Variants in GABRG3 observed in about 807,000 individuals in gnomAD.
GABRG3 encodes gamma-aminobutyric acid type A receptor subunit gamma3, also known as gamma-aminobutyric acid receptor subunit gamma-3.
GABRG3 carries 25 observed loss-of-function variants against 48.8 expected under a neutral mutation model. That is an observed-to-expected ratio of 0.51 (90% CI 0.37 to 0.72). GABRG3 has a LOEUF of 0.72. GABRG3 is among the 30% of genes least tolerant of loss of function. The pLI is 0.00. For missense variants in GABRG3, 394 were observed against 577.9 expected (o/e 0.68, Z 3.26); for synonymous variants, 227 against 217.6 (o/e 1.04, Z -0.38).
At chr15:26,986,920 G>A (rs1895161236) in intron 2 of GABRG3, among the ~76,000 whole-genome samples, 1 of 152,196 alleles carries the variant, frequency 6.6e-6, no homozygotes, top group Non-Finnish European at 1.5e-5. Context: ...CAGAGTGAAA[G>A]AGACAGCCTC....
chr15:27,176,888 A>G (rs1595567946), intron 3 of GABRG3, among the ~76,000 whole-genome samples: 1 of 152,288 alleles, frequency 6.6e-6, no homozygotes, highest in Admixed American at 6.5e-5. Flanking sequence ...GGAAAATGCT[A>G]GAGATGAGAT....
At chr15:27,507,684 A>G (rs1310592559) in intron 6 of GABRG3, among the ~76,000 whole-genome samples, 1 of 152,138 alleles carries the variant, frequency 6.6e-6, no homozygotes. Context: ...ACTGGTTGAT[A>G]CGATTGTTCA....
chr15:27,528,089 G>A, intron 9 of GABRG3, 97 bp downstream of exon 9: 1 of 879,786 alleles, frequency 1.1e-6, no homozygotes. Flanking sequence ...TGCATGTATT[G>A]AAGACCAATG....
chr15:27,461,749 A>G (rs190664650), intron 5 of GABRG3, among the ~76,000 whole-genome samples: 1 of 152,292 alleles, frequency 6.6e-6, no homozygotes, highest in Admixed American at 6.5e-5. Context: ...ACCTTTAGCT[A>G]GACAGAAAAA....
At chr15:27,418,869 A>T (rs1201311295) in intron 5 of GABRG3, 5 of 152,136 alleles carry the variant, frequency 3.3e-5, no homozygotes, top group Non-Finnish European at 5.9e-5. Flanking sequence ...TTAAGTCAGG[A>T]CCCAGAGTCT....
chr15:27,478,115 C>T (rs893371748), intron 5 of GABRG3, among the ~76,000 whole-genome samples: 9 of 151,552 alleles, frequency 5.9e-5, no homozygotes, highest in African/African-American at 1.5e-4. Flanking sequence ...TGCGAATGTA[C>T]TTTATGCCGC....
chr15:27,079,002 A>G (rs1228478389), intron 3 of GABRG3, among the ~76,000 whole-genome samples: 3 of 152,226 alleles, frequency 2.0e-5, no homozygotes, highest in Non-Finnish European at 2.9e-5. Context: ...ACTCATGTCC[A>G]TGGGGGCAGA....
At chr15:26,979,858 A>G (rs1895020307) in intron 2 of GABRG3, among the ~76,000 whole-genome samples, 1 of 152,188 alleles carries the variant, frequency 6.6e-6, no homozygotes, top group Admixed American at 6.5e-5. Context: ...AGCTTTATAC[A>G]ATGGGTTGGG....
At chr15:27,004,697 A>G (rs1267270899) in intron 2 of GABRG3, among the ~76,000 whole-genome samples, 1 of 152,228 alleles carries the variant, frequency 6.6e-6, no homozygotes, top group Non-Finnish European at 1.5e-5. Context: ...CTGCATCTTG[A>G]TTGTTTTATG....
chr15:27,082,473 G>T (rs1411075424), intron 3 of GABRG3, among the ~76,000 whole-genome samples: 2 of 152,240 alleles, frequency 1.3e-5, no homozygotes, highest in Middle Eastern at 3.4e-3. Context: ...AAATTCTGCA[G>T]GCAATGTTTC....
intron 3 of GABRG3, among the ~76,000 whole-genome samples, chr15:27,304,936 G>A (rs1652434116): frequency 6.6e-6 from 1 of 151,856 alleles, no homozygotes; most frequent in Admixed American, 6.6e-5. Context: ...CTCCCATTCT[G>A]TGGGTTATTT....
chr15:27,458,721 C>A (rs1889361971), intron 5 of GABRG3, among the ~76,000 whole-genome samples: 1 of 152,100 alleles, frequency 6.6e-6, no homozygotes, highest in South Asian at 2.1e-4. Context: ...GGAGAAAAAT[C>A]CAGGCTTATT....
chr15:27,143,157 C>T (rs1470759253), intron 3 of GABRG3, among the ~76,000 whole-genome samples: 1 of 152,186 alleles, frequency 6.6e-6, no homozygotes, highest in East Asian at 1.9e-4. Context: ...TAGCTCACCA[C>T]AGCCTTGATC....
rs551597444 is a variant in GABRG3, at chr15:27,284,468, G to C, written c.271-42341G>C. Among the ~76,000 whole-genome samples, 3 of 152,258 alleles carry C rather than the reference G, an allele frequency of 2.0e-5. No homozygotes were observed. The East Asian group carries it at 5.8e-4, about 29-fold the overall frequency. On this transcript the variant is annotated intron_variant, in intron 3 of 9. Transcript: ENST00000615808. ...TCATCTATATACGTAAGAATACCAC[G>C]ACATTTTCTGTGTGTAACCTACATT...
chr15:27,482,209 T>G (rs1463248738), intron 6 of GABRG3, among the ~76,000 whole-genome samples: 1 of 152,230 alleles, frequency 6.6e-6, no homozygotes. Context: ...AAAGTCATAT[T>G]TTTAATAAGT....
rs190222316 is a variant in GABRG3 at position 27,130,615 on chromosome 15, A to G, written c.270+103794A>G. 3.2e-3 allele frequency among the ~76,000 whole-genome samples: 485 copies of G among 152,220 alleles called. 1 individual carries two copies. Among genetic ancestry groups the G allele is most frequent in the African/African-American group, 0.011 (469 of 41,578 alleles). ...TTTTAATAGAGATTACATTAAATCT[A>G]TAGATCACTTTGGGTAGTATTGACA... On this transcript the variant is annotated intron_variant, in intron 3 of 9. Coordinates refer to ENST00000615808, the MANE Select transcript of GABRG3 (RefSeq NM_033223.5).
intron 2 of GABRG3, among the ~76,000 whole-genome samples, chr15:27,006,986 A>C (rs1025836772): frequency 2.0e-5 from 3 of 151,454 alleles, no homozygotes; most frequent in Non-Finnish European, 4.4e-5. Flanking sequence ...CCACATGCAC[A>C]CACCACCAAT....
chr15:27,078,965 G>A (rs2140742196), intron 3 of GABRG3, among the ~76,000 whole-genome samples: 1 of 152,330 alleles, frequency 6.6e-6, no homozygotes, highest in Admixed American at 6.5e-5. Context: ...AGAAGAGACA[G>A]AGAAAAACAC....
intron 5 of GABRG3, among the ~76,000 whole-genome samples, chr15:27,406,558 C>G (rs543979389): frequency 3.9e-5 from 6 of 152,046 alleles, no homozygotes; most frequent in Admixed American, 3.9e-4. Context: ...AAACATCAGG[C>G]AAAACCAGAT....
Sources: gnomAD v4.1 joint callset for allele counts (sites outside exome capture counted in the v4.1 genomes callset) on GRCh38, gnomAD v4.1.1 for gene constraint, MANE v1.5 for transcripts, NCBI Gene and HGNC (gene_info 2026-07-23, HGNC 2026-07-21) for gene names.